Variants in DDX60L observed in about 807,000 individuals in gnomAD.
DDX60L encodes DExD/H-box 60 like.
In DDX60L, 191 loss-of-function variants were observed where a neutral mutation model predicts 211.6. The ratio of observed to expected loss-of-function variants is 0.90; its 90% confidence interval spans 0.80 to 1.02. The LOEUF (loss-of-function observed/expected upper bound fraction) is 1.02. DDX60L is among the 50% of genes least tolerant of loss of function. The pLI is 0.00. For missense variants in DDX60L, 2,007 were observed against 1,984.1 expected (o/e 1.01, Z -0.22); for synonymous variants, 706 against 694.1 (o/e 1.02, Z -0.27).
intron 12 of DDX60L, among the ~76,000 whole-genome samples, 195 bp from the exon 13 acceptor site, chr4:168,430,833 G>T (rs888183282): frequency 1.3e-5 from 2 of 152,108 alleles, no homozygotes; most frequent in Admixed American, 6.5e-5. Flanking sequence ...TAATGTCCGG[G>T]TCTAAGTACC....
chr4:168,447,744 G>A (rs981644552), intron 9 of DDX60L, among the ~76,000 whole-genome samples: 1 of 151,534 alleles, frequency 6.6e-6, no homozygotes, highest in Non-Finnish European at 1.5e-5. Flanking sequence ...GGATGAAATT[G>A]GAAATCATCA....
chr4:168,366,620 A>AG (rs1376491691), intron 36 of DDX60L, among the ~76,000 whole-genome samples: 1 of 88,784 alleles, frequency 1.1e-5, no homozygotes, highest in Non-Finnish European at 3.0e-5. Flanking sequence ...TTACAAAAAT[A>AG]GGAAAAAAAA....
chr4:168,402,768 A>T (rs1219395975), intron 25 of DDX60L, among the ~76,000 whole-genome samples: 1 of 152,164 alleles, frequency 6.6e-6, no homozygotes, highest in Non-Finnish European at 1.5e-5. Flanking sequence ...CTTGAGCCTA[A>T]ACCAACTGTC....
At chr4:168,367,850 C>T (rs1364004201) in intron 36 of DDX60L, among the ~76,000 whole-genome samples, 1 of 152,110 alleles carries the variant, frequency 6.6e-6, no homozygotes, top group Non-Finnish European at 1.5e-5. Context: ...TTTGCCCCTG[C>T]CCTAGAGATT....
Position 168,461,768 on chromosome 4 carries a change from T to A in DDX60L, c.537A>T (p.Glu179Asp), listed in dbSNP as rs777276235. ...KVNVVLSSGH[E>D]SDTLRFYAYT... ...ATGCATAAAATCTGAGAGTATCAGA[T>A]TCATGCCCTGATGAAAGCACAACAT... The change falls in exon 5 of 38, where the codon GAA becomes GAT. Residue 179 changes from glutamate to aspartate, a missense_variant. Physicochemically the swap from Glu to Asp is conservative, Grantham distance 45. Coordinates refer to ENST00000682922, the MANE Select transcript of DDX60L (RefSeq NM_001012967.3). 6.2e-7 allele frequency: 1 copy of A among 1,603,498 alleles called. No individual in the cohort carries two copies. The highest frequency in any genetic ancestry group is 1.3e-5 in the African/African-American group (1 of 74,840).
intron 29 of DDX60L, among the ~76,000 whole-genome samples, chr4:168,391,266 T>C (rs879760562): frequency 3.9e-5 from 6 of 152,202 alleles, no homozygotes; most frequent in Non-Finnish European, 5.9e-5. Context: ...AGAACAGCTG[T>C]ACATTTCTCA....
At chr4:168,463,667 C>A (rs995874932) in intron 4 of DDX60L, among the ~76,000 whole-genome samples, 1 of 152,066 alleles carries the variant, frequency 6.6e-6, no homozygotes, top group African/African-American at 2.4e-5. Context: ...AGAACCCTGA[C>A]TTTTCTATAG....
At position 168,457,924 on chromosome 4, in the gene DDX60L, C is replaced by T; in HGVS notation, c.691G>A (p.Glu231Lys). 6.4e-7 allele frequency: 1 copy of T among 1,561,622 alleles called. No individual in the cohort carries two copies. The highest frequency in any genetic ancestry group is 1.2e-5 in the South Asian group (1 of 84,466). ...ATCATATCATTCCATTTCAAATGTTCAAAATGAGTTGCTAATACTAAAACC... is the reference window on the plus strand; with the variant it reads ...ATCATATCATTCCATTTCAAATGTTTAAAATGAGTTGCTAATACTAAAACC... The part of the protein sequence containing the change: ...IRVLVLATHF[E>K]HLKWNDMMEE... The change falls in exon 6 of 38, where the codon GAA becomes AAA. Residue 231 changes from glutamate to lysine, a missense_variant. Glu to Lys is a moderately conservative substitution (Grantham distance 56). Transcript: ENST00000682922.
intron 37 of DDX60L, among the ~76,000 whole-genome samples, chr4:168,360,671 T>C (rs1340986080): frequency 6.6e-6 from 1 of 152,194 alleles, no homozygotes; most frequent in Admixed American, 6.5e-5. Flanking sequence ...GGGTCTCTGT[T>C]GAGCATTGGG....
intron 19 of DDX60L, among the ~76,000 whole-genome samples, chr4:168,417,571 A>AT (rs374876484): frequency 8.6e-5 from 13 of 151,444 alleles, no homozygotes; most frequent in South Asian, 2.1e-4. Context: ...AAACTAACTG[A>AT]TTTTTTTTTC....
chr4:168,356,957 T>G lies in DDX60L; in HGVS notation c.*1190A>C, dbSNP rs1182088895. The G allele has an allele frequency of 6.6e-6, 1 of 152,222 alleles. No homozygotes were observed. Among genetic ancestry groups the G allele is most frequent in the Non-Finnish European group, 1.5e-5 (1 of 68,040 alleles). 9.4% of individuals were successfully genotyped at this position (152,222 alleles called of 1,614,324 possible). A position where few individuals can be genotyped will look rare whatever the true frequency, so the allele number is the denominator to read the frequency against. ...AAATCACTTGCAGTTTAAGCTCATTTGAGAAACTTTTTTCTCCTTCAGAGT... is the reference window on the plus strand; with the variant it reads ...AAATCACTTGCAGTTTAAGCTCATTGGAGAAACTTTTTTCTCCTTCAGAGT... On this transcript the variant is annotated 3_prime_UTR_variant, in exon 38 of 38. Coordinates refer to ENST00000682922, the MANE Select transcript of DDX60L (RefSeq NM_001012967.3).
At position 168,400,495 on chromosome 4, in the gene DDX60L, C is replaced by T. The variant is rs536135906; in HGVS notation, c.3491+331G>A. 5.3e-5 allele frequency among the ~76,000 whole-genome samples: 8 copies of T among 152,252 alleles called. No homozygotes were observed. In the East Asian group the frequency reaches 9.7e-4, roughly 18 times the overall value. ...TACACTCCCACCAATAGTGAATAAG[C>T]GTTCTACAGACCAGGAAACCTCCAG... On this transcript the variant is annotated intron_variant, in intron 26 of 37. Transcript: ENST00000682922.
At position 168,373,702 on chromosome 4, in the gene DDX60L, T is replaced by C. The variant is rs777345587; in HGVS notation, c.4740A>G (p.Thr1580=). The change falls in exon 35 of 38, where the codon ACA becomes ACG. Residue 1580 remains threonine (T), a synonymous_variant. Transcript: ENST00000682922. ...TCTCTGGTCGAAGCAAATCATTATC[T>C]GTGTTCCCCGAAAGACAAACAAATG... ...ISPFVCLSGN[T]DNDLLRPETI... is the part of the protein sequence containing the mutation. 14 of 1,613,854 alleles carry C rather than the reference T, an allele frequency of 8.7e-6. No homozygotes were observed. The highest frequency in any genetic ancestry group is 8.3e-5 in the Admixed American group (5 of 60,004).
chr4:168,376,266 T>C (rs1741932634), intron 33 of DDX60L, among the ~76,000 whole-genome samples: 1 of 152,174 alleles, frequency 6.6e-6, no homozygotes, highest in South Asian at 2.1e-4. Context: ...TTTCCAATAA[T>C]TGAGGTATTT....
intron 28 of DDX60L, among the ~76,000 whole-genome samples, chr4:168,392,143 A>G (rs1055667533): frequency 1.8e-4 from 28 of 152,214 alleles, no homozygotes; most frequent in African/African-American, 6.8e-4. Context: ...ATAGGGTAAT[A>G]ATGTTTTGTC....
chr4:168,420,927 G>A (rs1399646873), intron 17 of DDX60L, among the ~76,000 whole-genome samples: 2 of 151,958 alleles, frequency 1.3e-5, no homozygotes, highest in Admixed American at 1.3e-4. Context: ...TCAGCCCCTA[G>A]GATTCCCCTT....
At chr4:168,379,550 A>G in intron 31 of DDX60L, 46 bp from the exon 32 acceptor site, 1 of 1,371,754 alleles carries the variant, frequency 7.3e-7, no homozygotes, top group African/African-American at 1.5e-5. Flanking sequence ...CATGTACTCA[A>G]ATACCATAAA....
In DDX60L at chr4:168,432,226, A is replaced by AAT. The variant is rs141551810; in HGVS notation, c.1516+227_1516+228dup. Reference sequence around the variant, plus strand: ...TGCTTCCTACTGTGCCTCTTCAATTAATATATATATATATATTGTGTGTGT... The same window carrying AAT: ...TGCTTCCTACTGTGCCTCTTCAATTAATATATATATATATATATTGTGTGTGT... On this transcript the variant is annotated intron_variant, in intron 12 of 37. Coordinates refer to ENST00000682922, the MANE Select transcript of DDX60L (RefSeq NM_001012967.3). 9.0e-4 allele frequency among the ~76,000 whole-genome samples: 133 copies of AAT among 146,986 alleles called. No homozygotes were observed. The Middle Eastern group carries it at 0.011, about 12-fold the overall frequency.
Position 168,471,657 on chromosome 4 carries a change from T to A in DDX60L, c.264+90A>T, listed in dbSNP as rs148841419. 2.2e-4 allele frequency: 221 copies of A among 1,014,440 alleles called. 1 individual carries two copies. The African/African-American group carries it at 3.3e-3, about 15-fold the overall frequency. 62.8% of individuals were successfully genotyped at this position (1,014,440 alleles called of 1,614,324 possible). The stretch of plus-strand genomic sequence containing the variant: ...TCTTTTTATATTTTCTATGATGACA[T>A]GCTTCATTTTAGGTCAAAGGCTCTT... On this transcript the variant is annotated intron_variant, in intron 4 of 37. Transcript: ENST00000682922.
Sources: allele counts gnomAD v4.1 joint callset (sites outside exome capture counted in the v4.1 genomes callset), GRCh38; gene constraint gnomAD v4.1.1; transcripts MANE v1.5; gene names NCBI Gene and HGNC (gene_info 2026-07-23, HGNC 2026-07-21).